GPD2: variants seen among roughly 807,000 people sequenced by gnomAD.
The protein encoded by GPD2 is glycerol-3-phosphate dehydrogenase 2, also known as glycerol-3-phosphate dehydrogenase, mitochondrial.
Under a neutral mutation model 82.4 loss-of-function variants are expected in GPD2, and 54 were observed. The ratio of observed to expected loss-of-function variants is 0.66; its 90% CI spans 0.53 to 0.82. GPD2 has a LOEUF of 0.82. Ranked by LOEUF, GPD2 falls within the 40% of genes least tolerant of loss-of-function variation. The pLI, the probability that GPD2 is intolerant of heterozygous loss-of-function variation, is 0.00. For missense variants in GPD2, 748 were observed against 896.2 expected, an observed-to-expected ratio of 0.83 and a Z score of 2.11; for synonymous variants, 288 against 306.1, an observed-to-expected ratio of 0.94 and a Z score of 0.62.
chr2:156,526,214 A>G (rs1685600357), intron 6 of GPD2, among the ~76,000 whole-genome samples: 1 of 152,138 alleles, frequency 6.6e-6, no homozygotes, highest in Admixed American at 6.5e-5. Context: ...CCATCAATAA[A>G]CCACACTTTC....
At chr2:156,573,110 G>T (rs1437959340) in intron 13 of GPD2, among the ~76,000 whole-genome samples, 1 of 152,120 alleles carries the variant, frequency 6.6e-6, no homozygotes, top group African/African-American at 2.4e-5. Flanking sequence ...TTCCAAAGAT[G>T]ATTACATATC....
chr2:156,524,675 C>T (rs2105294038), intron 6 of GPD2, among the ~76,000 whole-genome samples: 2 of 152,264 alleles, frequency 1.3e-5, no homozygotes, highest in South Asian at 4.1e-4. Flanking sequence ...ACTTTCACCA[C>T]ATTCTGTTAA....
At chr2:156,473,495 G>A (rs982759668) in intron 1 of GPD2, 1 of 152,150 alleles carries the variant, frequency 6.6e-6, no homozygotes, top group Non-Finnish European at 1.5e-5. Flanking sequence ...CCCTGAGTTG[G>A]CCATGTTGAT....
chr2:156,571,197 C>G lies in GPD2; in HGVS notation c.1672C>G (p.Leu558Val), dbSNP rs768981525. 1.2e-6 allele frequency: 2 copies of G among 1,610,908 alleles called. No individual in the cohort carries two copies. The highest frequency in any genetic ancestry group is 1.1e-5 in the South Asian group (1 of 91,016). Residue 558 changes from leucine to valine, a missense_variant, in exon 13 of 17, where the codon CTG becomes GTG. Around this residue, in one of 3 missense-constraint regions of GPD2, gnomAD observed 692 missense variants for 809.7 expected, o/e 0.85. Transcript: ENST00000438166. ...GGATATGATTTCACGTCGTACTCGC[C>G]TGGCCTTTCTAAATGTCCAGGCAGC... is the stretch of plus-strand genomic sequence containing the variant. ...AVDMISRRTR[L>V]AFLNVQAAEE...
At chr2:156,450,367 G>A (rs1682512567) in intron 1 of GPD2, among the ~76,000 whole-genome samples, 1 of 152,150 alleles carries the variant, frequency 6.6e-6, no homozygotes, top group African/African-American at 2.4e-5. Flanking sequence ...ATACTGGATG[G>A]AGTTACCTAC....
intron 9 of GPD2, among the ~76,000 whole-genome samples, chr2:156,561,464 C>A (rs1452928677): frequency 1.3e-5 from 2 of 151,996 alleles, no homozygotes; most frequent in Admixed American, 6.6e-5. Flanking sequence ...TTCTGGGTTT[C>A]CTGATGGGAT....
At chr2:156,545,702 A>G (rs1234945960) in intron 6 of GPD2, among the ~76,000 whole-genome samples, 1 of 152,258 alleles carries the variant, frequency 6.6e-6, no homozygotes, top group Non-Finnish European at 1.5e-5. Flanking sequence ...CTGAAGAAAC[A>G]AGAAAATCCC....
At chr2:156,531,001 A>G (rs1045629666) in intron 6 of GPD2, among the ~76,000 whole-genome samples, 6 of 152,108 alleles carry the variant, frequency 3.9e-5, no homozygotes, top group Admixed American at 6.6e-5. Flanking sequence ...TTAAGACTCT[A>G]TTTTCAAAAA....
chr2:156,487,013 G>GAAA (rs34963495), intron 2 of GPD2, among the ~76,000 whole-genome samples: 2 of 152,128 alleles, frequency 1.3e-5, no homozygotes, highest in African/African-American at 4.8e-5. Flanking sequence ...AGTTTATTAA[G>GAAA]AAAAAGTGCT....
At chr2:156,499,300 G>C (rs555421592) in intron 3 of GPD2, among the ~76,000 whole-genome samples, 2 of 152,226 alleles carry the variant, frequency 1.3e-5, no homozygotes, top group South Asian at 2.1e-4. Flanking sequence ...GTATTACTGA[G>C]AGTAGAGGTA....
At chr2:156,475,875 G>A (rs771003512) in intron 1 of GPD2, among the ~76,000 whole-genome samples, 3 of 152,044 alleles carry the variant, frequency 2.0e-5, no homozygotes, top group African/African-American at 2.4e-5. Context: ...AATTCCTGTC[G>A]AACCAGAAAG....
intron 1 of GPD2, among the ~76,000 whole-genome samples, chr2:156,437,762 C>G (rs1216035922): frequency 6.6e-6 from 1 of 152,170 alleles, no homozygotes; most frequent in Admixed American, 6.5e-5. Context: ...CCTTCTTTCT[C>G]CCTTGTGATT....
chr2:156,567,825 A>G (rs1687446192), intron 9 of GPD2, among the ~76,000 whole-genome samples: 2 of 152,156 alleles, frequency 1.3e-5, no homozygotes, highest in South Asian at 4.1e-4. Context: ...ATTAGTAATG[A>G]GTGCTGTTCA....
chr2:156,469,428 G>A (rs1683251888), intron 1 of GPD2, among the ~76,000 whole-genome samples: 1 of 152,210 alleles, frequency 6.6e-6, no homozygotes, highest in Non-Finnish European at 1.5e-5. Context: ...GCATCCCAAA[G>A]TGCTAGGATT....
At chr2:156,532,504 C>G (rs1017374688) in intron 6 of GPD2, among the ~76,000 whole-genome samples, 7 of 152,118 alleles carry the variant, frequency 4.6e-5, no homozygotes, top group African/African-American at 1.7e-4. Context: ...GTTACCTGCA[C>G]TTTTTGAACA....
chr2:156,428,089 C>T, the GPD2 span, among the ~76,000 whole-genome samples: 1 of 152,224 alleles, frequency 6.6e-6, no homozygotes, highest in African/African-American at 2.4e-5. Context: ...TCCCCCACTT[C>T]TCCCCACTGC....
chr2:156,503,748 T>G (rs933535911), intron 3 of GPD2, among the ~76,000 whole-genome samples: 1 of 152,176 alleles, frequency 6.6e-6, no homozygotes, highest in Non-Finnish European at 1.5e-5. Flanking sequence ...AAGTTTCTGA[T>G]AAAATATATA....
chr2:156,578,792 G>A, intron 13 of GPD2, 97 bp from the exon 14 acceptor site: 1 of 775,496 alleles, frequency 1.3e-6, no homozygotes, highest in Non-Finnish European at 2.3e-6. Context: ...AGATAAGTAA[G>A]GATCAACTTC....
intron 12 of GPD2, among the ~76,000 whole-genome samples, 192 bp downstream of exon 12, chr2:156,570,410 A>G (rs191670330): frequency 2.0e-5 from 3 of 152,176 alleles, no homozygotes; most frequent in African/African-American, 7.2e-5. Context: ...AGTGATATTG[A>G]TAGTGGTAAT....
Sources: gnomAD v4.1 joint callset for allele counts (sites outside exome capture counted in the v4.1 genomes callset) on GRCh38, gnomAD v4.1.1 for gene constraint, gnomAD v4.1.1 regional missense constraint, MANE v1.5 for transcripts, NCBI Gene and HGNC (gene_info 2026-07-23, HGNC 2026-07-21) for gene names.